Variants in FHIT observed in about 807,000 individuals in gnomAD.
FHIT encodes the protein bis(5'-adenosyl)-triphosphatase.
In FHIT, 19 loss-of-function variants were observed where a neutral mutation model predicts 17.9. The ratio of observed to expected loss-of-function variants is 1.06; its 90% CI spans 0.74 to 1.56. The LOEUF is 1.56. FHIT is among the 40% of genes most tolerant of loss of function. The pLI is 0.00. For synonymous variants in FHIT, 81 were observed against 69.7 expected, an observed-to-expected ratio of 1.16 and a Z score of -0.81; for missense variants, 248 against 189.2, an observed-to-expected ratio of 1.31 and a Z score of -1.82.
At chr3:59,922,500 T>A in intron 7 of FHIT, 86 bp from the exon 8 acceptor site, 1 of 1,082,038 alleles carries the variant, frequency 9.2e-7, no homozygotes, top group Non-Finnish European at 1.4e-6. Context: ...GAAGCCCAAT[T>A]ACTCCACGAT....
intron 7 of FHIT, among the ~76,000 whole-genome samples, chr3:59,952,535 G>C (rs144897446): frequency 2.0e-5 from 3 of 152,042 alleles, no homozygotes; most frequent in Non-Finnish European, 4.4e-5. Flanking sequence ...CAATGATCTC[G>C]GCTTGTGGTC....
At chr3:60,281,700 G>A (rs928602248) in intron 5 of FHIT, among the ~76,000 whole-genome samples, 2 of 150,416 alleles carry the variant, frequency 1.3e-5, no homozygotes, top group African/African-American at 4.9e-5. Context: ...AGAACTAAAT[G>A]TAAAATGAAA....
At chr3:59,895,216 G>C (rs1234636298) in intron 8 of FHIT, among the ~76,000 whole-genome samples, 1 of 152,212 alleles carries the variant, frequency 6.6e-6, no homozygotes, top group African/African-American at 2.4e-5. Context: ...AGAAATCCTG[G>C]ATTAGCACGG....
At chr3:61,185,072 T>A (rs918103344) in intron 2 of FHIT, among the ~76,000 whole-genome samples, 3 of 152,200 alleles carry the variant, frequency 2.0e-5, no homozygotes, top group Non-Finnish European at 4.4e-5. Flanking sequence ...AATAGACTTT[T>A]TCCCCCCCAC....
intron 5 of FHIT, among the ~76,000 whole-genome samples, chr3:60,367,811 C>T (rs866290675): frequency 6.6e-6 from 1 of 152,182 alleles, no homozygotes; most frequent in Non-Finnish European, 1.5e-5. Flanking sequence ...CCAGTGCTCA[C>T]CTGCAGTCAA....
chr3:60,347,881 C>T lies in FHIT; in HGVS notation c.103+188979G>A, dbSNP rs368968560. 3.0e-3 allele frequency among the ~76,000 whole-genome samples: 464 copies of T among 152,174 alleles called. 1 individual carries two copies. The highest frequency in any genetic ancestry group is 0.022 in the South Asian group (107 of 4,808). Reference sequence around the variant, plus strand: ...TCAAGCGATTCTCCTGCCTCAGCCTCCCAAGTAGCTGGGATTACAGGCGCC... The same window carrying T: ...TCAAGCGATTCTCCTGCCTCAGCCTTCCAAGTAGCTGGGATTACAGGCGCC... On this transcript the variant is annotated intron_variant, in intron 5 of 9. Transcript: ENST00000492590.
intron 3 of FHIT, among the ~76,000 whole-genome samples, chr3:60,884,788 CT>C (rs2107143514): frequency 6.6e-6 from 1 of 151,714 alleles, no homozygotes; most frequent in South Asian, 2.1e-4. Flanking sequence ...ACTGGCTGTC[CT>C]AGCTACTTGG....
chr3:59,840,793 T>C (rs760530698), intron 8 of FHIT, among the ~76,000 whole-genome samples: 6 of 152,294 alleles, frequency 3.9e-5, no homozygotes, highest in Non-Finnish European at 7.4e-5. Context: ...CCTGCCTCAG[T>C]GCTTGACAGC....
chr3:60,364,670 G>A (rs1700038435), intron 5 of FHIT, among the ~76,000 whole-genome samples: 1 of 152,198 alleles, frequency 6.6e-6, no homozygotes, highest in Admixed American at 6.5e-5. Context: ...GAGATGCCCA[G>A]ATAACTGATA....
At chr3:60,649,438 G>A (rs1482032621) in intron 4 of FHIT, among the ~76,000 whole-genome samples, 3 of 152,118 alleles carry the variant, frequency 2.0e-5, no homozygotes, top group Non-Finnish European at 2.9e-5. Flanking sequence ...CTTCATTGCA[G>A]CATTGCTTCT....
In FHIT at chr3:60,755,355, T is replaced by A. The variant is rs1351691042; in HGVS notation, c.-18+66564A>T. Reference sequence around the variant, plus strand: ...TCAGTCCCATCCCATTGCTGTCAGGTGGGAATGCAGGCCCATAGCTACCCG... The same window carrying A: ...TCAGTCCCATCCCATTGCTGTCAGGAGGGAATGCAGGCCCATAGCTACCCG... On this transcript the variant is annotated intron_variant, in intron 4 of 9. Transcript: ENST00000492590. Among the ~76,000 whole-genome samples, 4 of 152,308 alleles carry A rather than the reference T, an allele frequency of 2.6e-5. No homozygotes were observed. In the East Asian group the frequency reaches 7.7e-4, roughly 29 times the overall value.
At position 59,771,785 on chromosome 3, in the gene FHIT, C is replaced by A. The variant is rs1702085776; in HGVS notation, c.349-19464G>T. Among the ~76,000 whole-genome samples the A allele has an allele frequency of 2.0e-5, 3 of 152,324 alleles. No homozygotes were observed. In the South Asian group the frequency reaches 6.2e-4, roughly 32 times the overall value. On this transcript the variant is annotated intron_variant, in intron 8 of 9. Coordinates refer to ENST00000492590, the MANE Select transcript of FHIT (RefSeq NM_002012.4). Reference sequence around the variant, plus strand: ...CATAAAAAAATTTCACAAATTACCTCTAAGTTGCTCTAAAACGGGAGTGCT... The same window carrying A: ...CATAAAAAAATTTCACAAATTACCTATAAGTTGCTCTAAAACGGGAGTGCT...
At chr3:60,309,287 C>T (rs1032962815) in intron 5 of FHIT, among the ~76,000 whole-genome samples, 3 of 151,912 alleles carry the variant, frequency 2.0e-5, no homozygotes, top group African/African-American at 7.3e-5. Context: ...AACCTTATTA[C>T]AAGGGTGGGT....
intron 8 of FHIT, among the ~76,000 whole-genome samples, chr3:59,895,576 C>T (rs781192107): frequency 2.0e-5 from 3 of 152,186 alleles, no homozygotes; most frequent in Non-Finnish European, 4.4e-5. Flanking sequence ...AGAGAAGTAA[C>T]TGATGCCACA....
intron 8 of FHIT, among the ~76,000 whole-genome samples, chr3:59,790,506 T>TTCTCTCTCTC (rs574974245): frequency 6.6e-6 from 1 of 150,562 alleles, no homozygotes; most frequent in East Asian, 1.9e-4. Flanking sequence ...CTCTCTCTCT[T>TTCTCTCTCTC]TCTCTCTCTC....
At chr3:60,471,043 G>A (rs1272195925) in intron 5 of FHIT, among the ~76,000 whole-genome samples, 3 of 152,208 alleles carry the variant, frequency 2.0e-5, no homozygotes, top group African/African-American at 4.8e-5. Context: ...GAGGCCTCAG[G>A]ACTCTGCCTG....
intron 5 of FHIT, among the ~76,000 whole-genome samples, chr3:60,339,846 G>A (rs553744547): frequency 2.6e-5 from 4 of 152,168 alleles, no homozygotes; most frequent in Non-Finnish European, 4.4e-5. Context: ...TGCTATGCAC[G>A]CTCATTTTTA....
intron 5 of FHIT, among the ~76,000 whole-genome samples, chr3:60,362,015 C>T (rs1219666140): frequency 6.6e-5 from 10 of 152,106 alleles, no homozygotes; most frequent in Admixed American, 6.5e-4. Flanking sequence ...CCAAACTGTG[C>T]ACACATCTTC....
At chr3:60,452,607 T>C (rs568308773) in intron 5 of FHIT, among the ~76,000 whole-genome samples, 15 of 152,306 alleles carry the variant, frequency 9.8e-5, no homozygotes, top group Admixed American at 6.5e-4. Context: ...AATGGATAAT[T>C]CTAAAGTGCT....
Sources: allele counts gnomAD v4.1 joint callset (sites outside exome capture counted in the v4.1 genomes callset), GRCh38; gene constraint gnomAD v4.1.1; transcripts MANE v1.5; gene names NCBI Gene and HGNC (gene_info 2026-07-23, HGNC 2026-07-21).